USP6: variants seen among roughly 807,000 people sequenced by gnomAD.
USP6 encodes ubiquitin specific peptidase 6.
Under a neutral mutation model 175.7 loss-of-function variants are expected in USP6, and 128 were observed. The ratio of observed to expected loss-of-function variants is 0.73; its 90% CI spans 0.63 to 0.84. The LOEUF is 0.84. USP6 is among the 40% of genes least tolerant of loss of function. The probability of loss-of-function intolerance (pLI) is 0.00; values close to 1 mark genes in which losing one functional copy is unlikely to be tolerated. For synonymous variants in USP6, 562 were observed against 630.6 expected, an observed-to-expected ratio of 0.89 and a Z score of 1.63; for missense variants, 1,498 against 1,760.3, an observed-to-expected ratio of 0.85 and a Z score of 2.67.
intron 16 of USP6, 85 bp downstream of exon 16, chr17:5,135,367 T>G: frequency 6.5e-7 from 1 of 1,533,290 alleles, no homozygotes; most frequent in Non-Finnish European, 9.0e-7. Flanking sequence ...GTTGCTTCTT[T>G]TAAAGTTGGT....
rs775978227 is a variant in USP6 at position 5,139,045 on chromosome 17, G to A, written c.1079-210G>A. ...CTGAACCCTGGGGGCAGTCCCAGGA[G>A]CCACCCACCATGCCCCAACGGCTTC... On this transcript the variant is annotated intron_variant, in intron 21 of 37. Coordinates refer to ENST00000574788, the MANE Select transcript of USP6 (RefSeq NM_001304284.2). 6 of 1,581,742 alleles carry A rather than the reference G, an allele frequency of 3.8e-6. No individual in the cohort carries two copies. The African/African-American group carries it at 8.0e-5, about 21-fold the overall frequency.
chr17:5,155,316 C>A, intron 30 of USP6, 106 bp from the exon 31 acceptor site: 1 of 1,295,254 alleles, frequency 7.7e-7, no homozygotes, highest in Non-Finnish European at 1.1e-6. Flanking sequence ...GTGATAGTGA[C>A]TAATTTGAAA....
Position 5,135,989 on chromosome 17 carries a change from A to G in USP6, c.664+61A>G, listed in dbSNP as rs1352268155. The G allele has an allele frequency of 2.5e-6, 4 of 1,596,298 alleles. No individual in the cohort carries two copies. In the South Asian group the frequency reaches 4.4e-5, roughly 18 times the overall value. On this transcript the variant is annotated intron_variant, in intron 17 of 37. Coordinates refer to ENST00000574788, the MANE Select transcript of USP6 (RefSeq NM_001304284.2). ...CAGACCCGGGAAAGCCACTGTGGCC[A>G]GGTGATCTCGGCTTTCAGCCAAGGC...
In USP6 at chr17:5,138,124, G is replaced by A. The variant is rs370385666; in HGVS notation, c.929G>A (p.Arg310His). The change falls in exon 21 of 38, where the codon CGC becomes CAC. Residue 310 changes from arginine to histidine, a missense_variant. Coordinates refer to ENST00000574788, the MANE Select transcript of USP6 (RefSeq NM_001304284.2). ...TSIALKVQQK[R>H]LMKTSRCGLW... ...CTGATATCCACCCTGTCCCTAGAGC[G>A]CCTCATGAAGACATCCAGGTGTGGC... 3.1e-5 allele frequency: 50 copies of A among 1,614,046 alleles called. No individual in the cohort carries two copies. The highest frequency in any genetic ancestry group is 3.5e-5 in the Non-Finnish European group (41 of 1,179,970).
rs1480226106 is a variant in USP6 at position 5,130,600 on chromosome 17, A to G, written c.73-2A>G. On this transcript the variant is annotated splice_acceptor_variant, in intron 10 of 37. Coordinates refer to ENST00000574788, the MANE Select transcript of USP6 (RefSeq NM_001304284.2). LOFTEE classifies it high-confidence loss of function. ...CTCACCAAGGCTCCCTCTGGGTTAC[A>G]GGGACACCGAGCTGGGCTGCCAGAG... is the stretch of plus-strand genomic sequence containing the variant. The G allele has an allele frequency of 4.3e-6, 7 of 1,613,836 alleles. No homozygotes were observed. The Admixed American group carries it at 8.3e-5, about 19-fold the overall frequency.
At chr17:5,136,842 G>C (rs1188324466) in intron 18 of USP6, 108 bp downstream of exon 18, 1 of 1,502,550 alleles carries the variant, frequency 6.7e-7, no homozygotes, top group Non-Finnish European at 9.2e-7. Context: ...CGGAGTCCCA[G>C]CTAGGGCCTG....
chr17:5,136,000 G>A (rs2073243034), intron 17 of USP6, 72 bp downstream of exon 17: 3 of 1,593,696 alleles, frequency 1.9e-6, no homozygotes, highest in Non-Finnish European at 2.5e-6. Context: ...GGTGATCTCG[G>A]CTTTCAGCCA....
At chr17:5,119,946 CT>C (rs1442996078) in intron 2 of USP6, among the ~76,000 whole-genome samples, 1 of 152,094 alleles carries the variant, frequency 6.6e-6, no homozygotes, top group Non-Finnish European at 1.5e-5. Flanking sequence ...TCTCTGCCCC[CT>C]CTCCTGCCTC....
At position 5,135,193 on chromosome 17, in the gene USP6, C is replaced by T. The variant is rs770965615; in HGVS notation, c.495-41C>T. Reference sequence around the variant, plus strand: ...GTAGACAAAGTGAAACTAACAGCATCTGCACAAACCAAACCATAGCCCCCT... The same window carrying T: ...GTAGACAAAGTGAAACTAACAGCATTTGCACAAACCAAACCATAGCCCCCT... On this transcript the variant is annotated intron_variant, in intron 15 of 37. Transcript: ENST00000574788. 4.4e-6 allele frequency: 7 copies of T among 1,605,654 alleles called. No individual in the cohort carries two copies. The South Asian group carries it at 7.7e-5, about 18-fold the overall frequency.
chr17:5,145,638 G>T, intron 27 of USP6, 59 bp downstream of exon 27: 2 of 1,496,964 alleles, frequency 1.3e-6, no homozygotes, highest in Non-Finnish European at 1.8e-6. Flanking sequence ...TATTTAAATA[G>T]CCTGAATTTG....
At chr17:5,143,183 G>A (rs1356699647) in intron 25 of USP6, among the ~76,000 whole-genome samples, 1 of 152,180 alleles carries the variant, frequency 6.6e-6, no homozygotes, top group South Asian at 2.1e-4. Context: ...GGTGAGGGGC[G>A]CCTCTGCCTG....
At chr17:5,162,232 A>G (rs1171268097) in intron 32 of USP6, among the ~76,000 whole-genome samples, 1 of 151,964 alleles carries the variant, frequency 6.6e-6, no homozygotes, top group Non-Finnish European at 1.5e-5. Context: ...GCTCACTGCA[A>G]CCTCTGCCTC....
At chr17:5,165,765 T>C (rs1027316155) in intron 33 of USP6, among the ~76,000 whole-genome samples, 3 of 152,170 alleles carry the variant, frequency 2.0e-5, no homozygotes, top group Admixed American at 6.5e-5. Context: ...TTATAGACTA[T>C]TTAAACAGTA....
At chr17:5,139,737 C>T in intron 22 of USP6, 63 bp downstream of exon 22, 1 of 1,597,682 alleles carries the variant, frequency 6.3e-7, no homozygotes, top group South Asian at 1.1e-5. Flanking sequence ...CCCTGCAGTG[C>T]ACCCAGCACT....
chr17:5,150,082 A>G (rs1470822472), intron 30 of USP6, among the ~76,000 whole-genome samples: 7 of 152,110 alleles, frequency 4.6e-5, no homozygotes, highest in South Asian at 4.1e-4. Context: ...TCATGAGGTC[A>G]AGAGTTTGAG....
In USP6 at chr17:5,152,734, C is replaced by G. The variant is rs532031990; in HGVS notation, c.2644-2688C>G. Among the ~76,000 whole-genome samples the G allele has an allele frequency of 3.3e-5, 5 of 152,268 alleles. No homozygotes were observed. The East Asian group carries it at 9.6e-4, about 29-fold the overall frequency. ...GAATTAGGGTAGGCACAGTGGCTCA[C>G]ACCCGTAATCTCAGCATTTTGGGAG... On this transcript the variant is annotated intron_variant, in intron 30 of 37. Transcript: ENST00000574788.
chr17:5,137,718 C>T lies in USP6; in HGVS notation c.893C>T (p.Pro298Leu), dbSNP rs750825011. 1.4e-5 allele frequency: 22 copies of T among 1,608,772 alleles called. No individual in the cohort carries two copies. The Admixed American group carries it at 3.0e-4, about 22-fold the overall frequency. ...YLVEGEQVLM[P>L]ITSIALKVQQ... ...GTGGAAGGAGAACAGGTGTTGATGC[C>T]AATAACCAGCATTGCTCTTAAGGTT... is the stretch of plus-strand genomic sequence containing the variant. Residue 298 changes from proline (P) to leucine (L), a missense_variant, in exon 20 of 38, where the codon CCA becomes CTA. Transcript: ENST00000574788.
chr17:5,161,244 T>A (rs909557248), intron 31 of USP6, among the ~76,000 whole-genome samples: 1 of 152,270 alleles, frequency 6.6e-6, no homozygotes, highest in African/African-American at 2.4e-5. Flanking sequence ...TTTGATTTCA[T>A]GATTAGCTTA....
intron 21 of USP6, chr17:5,138,904 G>A (rs2073348867): frequency 9.9e-7 from 1 of 1,007,194 alleles, no homozygotes; most frequent in South Asian, 1.5e-5. Context: ...CCCATGTGAG[G>A]TGGCAAGGAG....
Sources: gnomAD v4.1 joint callset for allele counts (sites outside exome capture counted in the v4.1 genomes callset) on GRCh38, gnomAD v4.1.1 for gene constraint, MANE v1.5 for transcripts, NCBI Gene and HGNC (gene_info 2026-07-23, HGNC 2026-07-21) for gene names.